PIEZO2: variants seen among roughly 807,000 people sequenced by gnomAD.
The protein encoded by PIEZO2 is piezo type mechanosensitive ion channel component 2, also known as piezo-type mechanosensitive ion channel component 2.
Under a neutral mutation model 337.3 loss-of-function variants are expected in PIEZO2, and 172 were observed. That is an observed-to-expected ratio of 0.51 (90% CI 0.45 to 0.58). The LOEUF is 0.58. PIEZO2 is among the 20% of genes least tolerant of loss of function. The probability of loss-of-function intolerance (pLI) is 0.00; values close to 1 mark genes in which losing one functional copy is unlikely to be tolerated. For synonymous variants in PIEZO2, 1,251 were observed against 1,228.5 expected (o/e 1.02, Z -0.38); for missense variants, 3,028 against 3,391.3 (o/e 0.89, Z 2.66).
In PIEZO2 at chr18:10,847,628, T is replaced by C. The variant is rs1043996196; in HGVS notation, c.917+7725A>G. ...CCCCCAAACGATACCAAGGTCCAGA[T>C]GAACTCAGAGTTCAAGTATTTAAGT... is the stretch of plus-strand genomic sequence containing the variant. On this transcript the variant is annotated intron_variant, in intron 7 of 55. Transcript: ENST00000674853. This position sits in a 1 kb window ranked among gnomAD's most constrained non-coding sequence, Gnocchi z 5.7. Among the ~76,000 whole-genome samples, 1 of 152,192 alleles carries C rather than the reference T, an allele frequency of 6.6e-6. No homozygotes were observed. The highest frequency in any genetic ancestry group is 1.5e-5 in the Non-Finnish European group (1 of 68,036).
At chr18:10,843,830 G>A (rs1350986499) in intron 7 of PIEZO2, among the ~76,000 whole-genome samples, 2 of 152,138 alleles carry the variant, frequency 1.3e-5, no homozygotes, top group Non-Finnish European at 2.9e-5. Flanking sequence ...ACACCCATTA[G>A]GTCCAGACCA....
rs777196077 is a variant in PIEZO2, at chr18:10,857,155, A to G, written c.549T>C (p.Asn183=). ...ACTCGCCTTCAACACCATCTCCTCC[A>G]TTGAAATCCTCTTCATAGATCAGTG... is the stretch of plus-strand genomic sequence containing the variant. The part of the protein sequence containing the change: ...EEALIYEEDF[N]GGDGVEGELE... Residue 183 remains asparagine, a synonymous_variant, in exon 6 of 56, where the codon AAT becomes AAC. Transcript: ENST00000674853. The G allele has an allele frequency of 6.5e-6, 10 of 1,537,784 alleles. No individual in the cohort carries two copies. The highest frequency in any genetic ancestry group is 8.7e-6 in the Non-Finnish European group (10 of 1,147,060).
In PIEZO2 at chr18:10,859,819, G is replaced by C. The variant is rs756301197; in HGVS notation, c.493-2608C>G. Among the ~76,000 whole-genome samples the C allele has an allele frequency of 6.6e-6, 1 of 152,206 alleles. No homozygotes were observed. Among genetic ancestry groups the C allele is most frequent in the Non-Finnish European group, 1.5e-5 (1 of 68,042 alleles). On this transcript the variant is annotated intron_variant, in intron 5 of 55. Coordinates refer to ENST00000674853, the MANE Select transcript of PIEZO2 (RefSeq NM_001378183.1). This position sits in a 1 kb window ranked among gnomAD's most constrained non-coding sequence, Gnocchi z 4.9. ...TTGCCACATAACTCTAGTTGCTCCT[G>C]GGGCGGAGCAGAGGGAGGCAGCAGC...
In PIEZO2 at chr18:10,824,968, A is replaced by T. The variant is rs2040625014; in HGVS notation, c.918-17694T>A. Among the ~76,000 whole-genome samples the T allele has an allele frequency of 6.6e-6, 1 of 152,066 alleles. No individual in the cohort carries two copies. The highest frequency in any genetic ancestry group is 1.5e-5 in the Non-Finnish European group (1 of 68,034). On this transcript the variant is annotated intron_variant, in intron 7 of 55. Transcript: ENST00000674853. The surrounding 1 kb of genome is among the most constrained non-coding windows in gnomAD (Gnocchi z 4.4). Reference sequence around the variant, plus strand: ...AACCTCCACTTCCTGGGTCCAAGTGATTCTCCTGCCTCAGCCTCCCGAGTA... The same window carrying T: ...AACCTCCACTTCCTGGGTCCAAGTGTTTCTCCTGCCTCAGCCTCCCGAGTA...
chr18:10,921,041 G>A (rs1456076165), intron 3 of PIEZO2, among the ~76,000 whole-genome samples: 4 of 152,084 alleles, frequency 2.6e-5, no homozygotes, highest in South Asian at 4.1e-4. Flanking sequence ...CAACAAGGGC[G>A]AAACTCCGTC....
At chr18:10,689,859 C>G (rs1226811523) in intron 48 of PIEZO2, 57 bp from the exon 49 acceptor site, 3 of 1,552,066 alleles carry the variant, frequency 1.9e-6, no homozygotes, top group Non-Finnish European at 2.6e-6. Flanking sequence ...CACCACCCTG[C>G]TCACCCAGGA....
chr18:10,760,848 CA>C (rs766830299), intron 24 of PIEZO2, 62 bp downstream of exon 24: 93 of 1,383,792 alleles, frequency 6.7e-5, no homozygotes, highest in Non-Finnish European at 8.4e-5. Flanking sequence ...GCCAATTGGC[CA>C]GAAGCAGTTC....
chr18:11,137,834 C>T (rs775494946), intron 1 of PIEZO2, among the ~76,000 whole-genome samples: 4 of 152,102 alleles, frequency 2.6e-5, no homozygotes, highest in Non-Finnish European at 5.9e-5. Flanking sequence ...AGGGTTTGAC[C>T]GCAAGAGAAA....
chr18:10,840,790 C>T (rs1291435772), intron 7 of PIEZO2, among the ~76,000 whole-genome samples: 1 of 152,138 alleles, frequency 6.6e-6, no homozygotes, highest in East Asian at 1.9e-4. Context: ...TTCTTTCTGA[C>T]AGTTATATTT....
chr18:10,737,170 C>A (rs1233277503), intron 33 of PIEZO2, among the ~76,000 whole-genome samples: 1 of 151,816 alleles, frequency 6.6e-6, no homozygotes, highest in African/African-American at 2.4e-5. Flanking sequence ...ATAAGCCAAT[C>A]AGGACGATTC....
At chr18:10,792,470 A>T (rs560869110) in intron 13 of PIEZO2, among the ~76,000 whole-genome samples, 3 of 152,192 alleles carry the variant, frequency 2.0e-5, no homozygotes, top group Non-Finnish European at 1.5e-5. Flanking sequence ...CCACGAATTT[A>T]CTTTTTGTCT....
intron 2 of PIEZO2, among the ~76,000 whole-genome samples, chr18:11,017,038 A>T (rs2036139933): frequency 6.6e-6 from 1 of 152,184 alleles, no homozygotes; most frequent in Admixed American, 6.5e-5. Flanking sequence ...CCTGGAGAAA[A>T]CCCTCATAAG....
At chr18:10,879,224 G>A (rs1207563644) in intron 4 of PIEZO2, among the ~76,000 whole-genome samples, 1 of 152,126 alleles carries the variant, frequency 6.6e-6, no homozygotes, top group Non-Finnish European at 1.5e-5. Context: ...TGTAGATGAA[G>A]TCCCATTTTA....
chr18:10,720,249 TGGAGCCCAGGTA>T (rs1224934652), intron 36 of PIEZO2, among the ~76,000 whole-genome samples: 2 of 143,258 alleles, frequency 1.4e-5, no homozygotes, highest in Admixed American at 7.4e-5. Context: ...TATATATATA[TGGAGCCCAGGTA>T]ATATAAAGAG....
At chr18:10,791,138 G>T (rs983733118) in intron 14 of PIEZO2, 63 bp downstream of exon 14, 1 of 1,429,444 alleles carries the variant, frequency 7.0e-7, no homozygotes. Flanking sequence ...TGTATTTTGG[G>T]GCTCTTTCTC....
At chr18:10,687,055 G>A (rs2034575528) in intron 49 of PIEZO2, among the ~76,000 whole-genome samples, 1 of 152,102 alleles carries the variant, frequency 6.6e-6, no homozygotes, top group Admixed American at 6.5e-5. Flanking sequence ...GGCTCTCAAA[G>A]TATCACGTGC....
chr18:10,800,611 C>T, intron 10 of PIEZO2, 136 bp from the exon 11 acceptor site: 1 of 1,046,642 alleles, frequency 9.6e-7, no homozygotes, highest in Non-Finnish European at 1.3e-6. Context: ...TAGCCAATTG[C>T]CCAAATATTT....
chr18:11,068,037 T>G (rs1034866896), intron 1 of PIEZO2, among the ~76,000 whole-genome samples: 2 of 152,182 alleles, frequency 1.3e-5, no homozygotes, highest in Non-Finnish European at 2.9e-5. Flanking sequence ...TTTTCCTGCC[T>G]CAGCCTCCCG....
rs2033829020 is a variant in PIEZO2 at position 10,672,658 on chromosome 18, T to C, written c.8345+32A>G. 6.3e-7 allele frequency: 1 copy of C among 1,596,396 alleles called. No homozygotes were observed. The highest frequency in any genetic ancestry group is 8.5e-7 in the Non-Finnish European group (1 of 1,173,274). On this transcript the variant is annotated intron_variant, in intron 55 of 55. Coordinates refer to ENST00000674853, the MANE Select transcript of PIEZO2 (RefSeq NM_001378183.1). The surrounding 1 kb of genome is among the most constrained non-coding windows in gnomAD (Gnocchi z 4.7). ...CTTTACATGATACAGAAGTAGACTCTTGTAACTGTGAATTGTTCAATGAGT... is the reference window on the plus strand; with the variant it reads ...CTTTACATGATACAGAAGTAGACTCCTGTAACTGTGAATTGTTCAATGAGT...
Sources: allele counts gnomAD v4.1 joint callset (sites outside exome capture counted in the v4.1 genomes callset), GRCh38; gene constraint gnomAD v4.1.1; non-coding constraint Gnocchi (gnomAD v3.1); transcripts MANE v1.5; gene names NCBI Gene and HGNC (gene_info 2026-07-23, HGNC 2026-07-21).